Variants in FAM186A observed in about 807,000 individuals in gnomAD.
The protein encoded by FAM186A is protein FAM186A.
In FAM186A, 163 loss-of-function variants were observed where a neutral mutation model predicts 216.8. The ratio of observed to expected loss-of-function variants is 0.75; its 90% CI spans 0.66 to 0.86. The LOEUF (loss-of-function observed/expected upper bound fraction) is 0.86. FAM186A is among the 40% of genes least tolerant of loss of function. The pLI, the probability that FAM186A is intolerant of heterozygous loss-of-function variation, is 0.00. For missense variants in FAM186A, 2,184 were observed against 2,746.2 expected, an observed-to-expected ratio of 0.80 and a Z score of 4.58; for synonymous variants, 805 against 1,025.3, an observed-to-expected ratio of 0.79 and a Z score of 4.10.
chr12:50,339,111 C>T (rs976636779), intron 4 of FAM186A, among the ~76,000 whole-genome samples: 1 of 151,762 alleles, frequency 6.6e-6, no homozygotes, highest in African/African-American at 2.4e-5. Flanking sequence ...ACCTCTCAGG[C>T]TCATGGGATC....
At chr12:50,364,641 C>A (rs1307682820) in intron 1 of FAM186A, among the ~76,000 whole-genome samples, 2 of 151,828 alleles carry the variant, frequency 1.3e-5, no homozygotes, top group Non-Finnish European at 2.9e-5. Flanking sequence ...GTGTCTCACG[C>A]CTGTAATCCA....
In FAM186A at chr12:50,330,731, G is replaced by A; in HGVS notation, c.6876C>T (p.Ile2292=). ...TTGAAGTGGACAGATCAACATTCCA[G>A]ATGGCCTCTGTCTGGTCCTCTTGTT... ...FRQQEDQTEA[I]WNVDLSTSSY... The change falls in exon 7 of 8, where the codon ATC becomes ATT. Residue 2292 remains isoleucine (I), a synonymous_variant. Coordinates refer to ENST00000327337, the MANE Select transcript of FAM186A (RefSeq NM_001145475.3). 6.5e-7 allele frequency: 1 copy of A among 1,532,758 alleles called. No individual in the cohort carries two copies. Among genetic ancestry groups the A allele is most frequent in the Non-Finnish European group, 8.8e-7 (1 of 1,141,018 alleles). 94.9% of individuals were successfully genotyped at this position (1,532,758 alleles called of 1,614,324 possible). A position where few individuals can be genotyped will look rare whatever the true frequency, so the allele number is the denominator to read the frequency against.
At chr12:50,370,146 A>AAAAAAAAAAAT (rs1434227458) in intron 1 of FAM186A, among the ~76,000 whole-genome samples, 1 of 148,350 alleles carries the variant, frequency 6.7e-6, no homozygotes, top group African/African-American at 2.5e-5. Context: ...AAAAAAAAAA[A>AAAAAAAAAAAT]AGCAAAACTT....
Position 50,396,542 on chromosome 12 carries a change from G to C in FAM186A, c.-58C>G, listed in dbSNP as rs1943416279. On this transcript the variant is annotated 5_prime_UTR_variant, in exon 1 of 8. Coordinates refer to ENST00000327337, the MANE Select transcript of FAM186A (RefSeq NM_001145475.3). ...TCTTTTTCACAGAATCTACAAAAAT[G>C]CTAATAAAGATATCCAGTAGGAAGC... 1 of 1,473,226 alleles carries C rather than the reference G, an allele frequency of 6.8e-7. No homozygotes were observed. The highest frequency in any genetic ancestry group is 9.1e-7 in the Non-Finnish European group (1 of 1,098,938). 91.3% of individuals were successfully genotyped at this position (1,473,226 alleles called of 1,614,324 possible).
In FAM186A at chr12:50,373,075, G is replaced by GAA. The variant is rs1277174258; in HGVS notation, c.193-9712_193-9711insTT. Among the ~76,000 whole-genome samples, 59 of 141,658 alleles carry GAA rather than the reference G, an allele frequency of 4.2e-4. 2 individuals carry two copies. The highest frequency in any genetic ancestry group is 8.1e-4 in the Non-Finnish European group (52 of 64,536). 92.9% of individuals were successfully genotyped at this position (141,658 alleles called of 152,430 possible). On this transcript the variant is annotated intron_variant, in intron 1 of 7. Transcript: ENST00000327337. ...AGAAAGAAAGAAAGAAAGAAAGAAA[G>GAA]AGAAAAGAAAGAAAGAAAGAAAAGA...
intron 1 of FAM186A, among the ~76,000 whole-genome samples, chr12:50,385,432 A>G (rs926102963): frequency 2.6e-5 from 4 of 151,176 alleles, no homozygotes; most frequent in Non-Finnish European, 5.9e-5. Context: ...AAAAAAAAAA[A>G]AAAGAAAGTA....
At chr12:50,373,492 G>A (rs1178289948) in intron 1 of FAM186A, among the ~76,000 whole-genome samples, 1 of 152,182 alleles carries the variant, frequency 6.6e-6, no homozygotes, top group Non-Finnish European at 1.5e-5. Flanking sequence ...ATTCTTTGAT[G>A]TCAGCGTTAC....
rs1942883583 is a variant in FAM186A at position 50,351,690 on chromosome 12, T to C, written c.5142A>G (p.Pro1714=). 1 of 1,551,426 alleles carries C rather than the reference T, an allele frequency of 6.4e-7. No homozygotes were observed. Among genetic ancestry groups the C allele is most frequent in the African/African-American group, 1.4e-5 (1 of 72,974 alleles). ...GGAGAGAAGCCTTCGATTTCTGAAA[T>C]GGTCTATGGGACCACTGGACTTGCT... ...TLKQVQWSHR[P]FQKSKASLPT... Residue 1714 remains proline (P), a synonymous_variant, in exon 4 of 8, where the codon CCA becomes CCG. Transcript: ENST00000327337.
At chr12:50,387,572 T>C (rs1475247256) in intron 1 of FAM186A, among the ~76,000 whole-genome samples, 1 of 152,174 alleles carries the variant, frequency 6.6e-6, no homozygotes, top group Non-Finnish European at 1.5e-5. Flanking sequence ...CTTGAGGAGC[T>C]GGTGTCTGAT....
At chr12:50,386,157 A>G (rs1943301232) in intron 1 of FAM186A, among the ~76,000 whole-genome samples, 1 of 151,888 alleles carries the variant, frequency 6.6e-6, no homozygotes, top group Non-Finnish European at 1.5e-5. Flanking sequence ...GGCCAGGCAT[A>G]GTAGCTTACG....
chr12:50,333,711 C>T (rs1254658370), intron 5 of FAM186A, among the ~76,000 whole-genome samples, 200 bp downstream of exon 5: 1 of 152,034 alleles, frequency 6.6e-6, no homozygotes, highest in East Asian at 1.9e-4. Flanking sequence ...TGGCAGACAC[C>T]CTGATTTCAC....
chr12:50,333,818 T>C (rs1027178063), intron 5 of FAM186A, 93 bp downstream of exon 5: 2 of 1,206,894 alleles, frequency 1.7e-6, no homozygotes, highest in East Asian at 5.3e-5. Flanking sequence ...GAAAGTAATA[T>C]GACATGGTGT....
intron 1 of FAM186A, among the ~76,000 whole-genome samples, chr12:50,368,833 G>A (rs1373611538): frequency 6.6e-6 from 1 of 151,906 alleles, no homozygotes; most frequent in Non-Finnish European, 1.5e-5. Context: ...ATAACCTGAT[G>A]GAATAGAATA....
At chr12:50,387,531 G>C (rs933050952) in intron 1 of FAM186A, among the ~76,000 whole-genome samples, 1 of 152,172 alleles carries the variant, frequency 6.6e-6, no homozygotes, top group Non-Finnish European at 1.5e-5. Context: ...AAGACCGGCT[G>C]GTGGTGGATG....
chr12:50,378,994 C>T (rs1943227619), intron 1 of FAM186A, among the ~76,000 whole-genome samples: 1 of 152,140 alleles, frequency 6.6e-6, no homozygotes, highest in African/African-American at 2.4e-5. Context: ...GGTATAACTG[C>T]ACAATGGATT....
At chr12:50,395,824 C>T (rs959936958) in intron 1 of FAM186A, among the ~76,000 whole-genome samples, 1 of 151,666 alleles carries the variant, frequency 6.6e-6, no homozygotes, top group Non-Finnish European at 1.5e-5. Context: ...TGCAATGGTG[C>T]AATCTTGGCT....
At chr12:50,339,312 G>A (rs1942740479) in intron 4 of FAM186A, among the ~76,000 whole-genome samples, 1 of 152,008 alleles carries the variant, frequency 6.6e-6, no homozygotes, top group African/African-American at 2.4e-5. Context: ...CCACCAGACC[G>A]GGCTGATTTT....
chr12:50,359,432 A>G (rs1269726883), intron 3 of FAM186A, among the ~76,000 whole-genome samples: 14 of 152,172 alleles, frequency 9.2e-5, no homozygotes, highest in Admixed American at 9.2e-4. Flanking sequence ...AGTGTTGTTG[A>G]GGAAATGGAG....
At chr12:50,346,243 A>AAGAAAGAAAGAAAGAAAGAAAGAAAG (rs1253936117) in intron 4 of FAM186A, among the ~76,000 whole-genome samples, 2 of 149,330 alleles carry the variant, frequency 1.3e-5, no homozygotes, top group African/African-American at 4.9e-5. Flanking sequence ...GAAAAAAAGA[A>AAGAAAGAAAGAAAGAAAGAAAGAAAG]AGAAAGAAAG....
Sources: gnomAD v4.1 joint callset for allele counts (sites outside exome capture counted in the v4.1 genomes callset) on GRCh38, gnomAD v4.1.1 for gene constraint, MANE v1.5 for transcripts, NCBI Gene and HGNC (gene_info 2026-07-23, HGNC 2026-07-21) for gene names.